RDH10: variants seen among roughly 807,000 people sequenced by gnomAD.
RDH10 encodes the protein retinol dehydrogenase 10.
In RDH10, 12 loss-of-function variants were observed where a neutral mutation model predicts 30.2. The ratio of observed to expected loss-of-function variants is 0.40; its 90% confidence interval spans 0.25 to 0.64. RDH10 has a LOEUF of 0.64. Ranked by LOEUF, RDH10 falls within the 30% of genes least tolerant of loss-of-function variation. RDH10 has a pLI of 0.43. For missense variants in RDH10, 268 were observed against 445.2 expected, an observed-to-expected ratio of 0.60 and a Z score of 3.58; for synonymous variants, 189 against 172.2, an observed-to-expected ratio of 1.10 and a Z score of -0.76.
chr8:73,314,123 A>G (rs564422637), intron 2 of RDH10, among the ~76,000 whole-genome samples: 3 of 152,336 alleles, frequency 2.0e-5, no homozygotes, highest in Admixed American at 6.5e-5. Flanking sequence ...TGTCATGGCA[A>G]CTAGCACTTC....
At position 73,324,626 on chromosome 8, in the gene RDH10, A is replaced by C. The variant is rs1247535513; in HGVS notation, c.*1590A>C. ...AAGGAAAATTATTGTGTTTTTTTTT[A>C]TGATCATTATCCCACTTTAGGTAAA... On this transcript the variant is annotated 3_prime_UTR_variant, in exon 6 of 6. Transcript: ENST00000240285. 3 of 152,114 alleles carry C rather than the reference A, an allele frequency of 2.0e-5. No individual in the cohort carries two copies. Among genetic ancestry groups the C allele is most frequent in the Non-Finnish European group, 1.5e-5 (1 of 68,004 alleles). 9.4% of individuals were successfully genotyped at this position (152,114 alleles called of 1,614,324 possible). A position where few individuals can be genotyped will look rare whatever the true frequency, so the allele number is the denominator to read the frequency against.
chr8:73,311,087 C>T (rs1814555614), intron 2 of RDH10: 1 of 152,048 alleles, frequency 6.6e-6, no homozygotes, highest in Admixed American at 6.6e-5. Context: ...GCAAATAATA[C>T]CTCAGCGTGA....
At chr8:73,296,357 A>T (rs555345117) in intron 1 of RDH10, among the ~76,000 whole-genome samples, 17 of 152,224 alleles carry the variant, frequency 1.1e-4, no homozygotes, top group African/African-American at 4.1e-4. Context: ...GAAAACATTT[A>T]CCTGTACGGA....
chr8:73,323,222 G>C lies in RDH10; in HGVS notation c.*186G>C, dbSNP rs1378089258. On this transcript the variant is annotated 3_prime_UTR_variant, in exon 6 of 6. Transcript: ENST00000240285. ...TACTTGGAAAATGTGATCAGTACAA[G>C]TGAACTTAGGTTGTTGCCAACAGGG... The C allele has an allele frequency of 4.0e-6, 2 of 505,558 alleles. No individual in the cohort carries two copies. The highest frequency in any genetic ancestry group is 1.9e-5 in the African/African-American group (1 of 52,038). 31.3% of individuals were successfully genotyped at this position (505,558 alleles called of 1,614,324 possible).
At position 73,295,368 on chromosome 8, in the gene RDH10, G is replaced by T; in HGVS notation, c.79G>T (p.Val27Leu). ...AFVLAAARWL[V>L]RPKEKSVAGQ... ...CGTGCTGGCCGCGGCGCGCTGGCTGGTGCGGCCCAAGGAGAAGAGCGTGGC... is the reference window on the plus strand; with the variant it reads ...CGTGCTGGCCGCGGCGCGCTGGCTGTTGCGGCCCAAGGAGAAGAGCGTGGC... The change falls in exon 1 of 6, where the codon GTG becomes TTG. Residue 27 changes from valine (V) to leucine (L), a missense_variant. Coordinates refer to ENST00000240285, the MANE Select transcript of RDH10 (RefSeq NM_172037.5). 1 of 1,559,098 alleles carries T rather than the reference G, an allele frequency of 6.4e-7. No individual in the cohort carries two copies. Among genetic ancestry groups the T allele is most frequent in the Non-Finnish European group, 8.7e-7 (1 of 1,153,274 alleles).
chr8:73,306,885 A>G (rs188815675), intron 2 of RDH10, among the ~76,000 whole-genome samples: 1 of 152,328 alleles, frequency 6.6e-6, no homozygotes, highest in East Asian at 1.9e-4. Flanking sequence ...TCAAAATAAC[A>G]TAAGTGGTAC....
chr8:73,297,203 G>C lies in RDH10; in HGVS notation c.299G>C (p.Gly100Ala). Residue 100 changes from glycine to alanine, a missense_variant, in exon 2 of 6, where the codon GGT becomes GCT. By Grantham distance (60) the Gly-to-Ala change is moderately conservative. Coordinates refer to ENST00000240285, the MANE Select transcript of RDH10 (RefSeq NM_172037.5). The stretch of plus-strand genomic sequence containing the variant: ...GGACTTCTGAGGACAGCTGGGAATG[G>C]TGAGGAAGAAATTCTGCCCCACTGT... ...ADAAALQAGN[G>A]EEEILPHCNL... 1.2e-6 allele frequency: 2 copies of C among 1,606,178 alleles called. No individual in the cohort carries two copies. The highest frequency in any genetic ancestry group is 1.7e-6 in the Non-Finnish European group (2 of 1,172,658).
At chr8:73,307,226 AG>A (rs1180719947) in intron 2 of RDH10, among the ~76,000 whole-genome samples, 1 of 152,210 alleles carries the variant, frequency 6.6e-6, no homozygotes. Context: ...GTTGTTTTCC[AG>A]CGTCATCTAG....
chr8:73,319,894 A>G (rs1814735761), intron 3 of RDH10, among the ~76,000 whole-genome samples: 1 of 152,254 alleles, frequency 6.6e-6, no homozygotes, highest in Admixed American at 6.5e-5. Flanking sequence ...ATTATAAAGT[A>G]TGAGTATATA....
intron 2 of RDH10, among the ~76,000 whole-genome samples, 160 bp from the exon 3 acceptor site, chr8:73,318,936 G>A (rs1814719881): frequency 6.6e-6 from 1 of 152,184 alleles, no homozygotes; most frequent in Non-Finnish European, 1.5e-5. Flanking sequence ...TGCTAAGTTA[G>A]CCAGACACTT....
At chr8:73,318,466 T>C (rs1814712722) in intron 2 of RDH10, among the ~76,000 whole-genome samples, 1 of 152,248 alleles carries the variant, frequency 6.6e-6, no homozygotes, top group Non-Finnish European at 1.5e-5. Context: ...TTCAGAATGA[T>C]ACACGTTCTT....
chr8:73,308,601 T>G (rs760148702), intron 2 of RDH10, among the ~76,000 whole-genome samples: 5 of 152,172 alleles, frequency 3.3e-5, no homozygotes, highest in African/African-American at 4.8e-5. Context: ...TGAAGTCTTT[T>G]AGGTTTCTTC....
intron 2 of RDH10, 37 bp downstream of exon 2, chr8:73,297,466 T>G: frequency 5.2e-5 from 73 of 1,395,606 alleles, no homozygotes; most frequent in Non-Finnish European, 7.0e-5. Flanking sequence ...TGCTGGGCCC[T>G]CCTTAATGAG....
At chr8:73,313,064 A>G (rs184172200) in intron 2 of RDH10, 7 of 152,278 alleles carry the variant, frequency 4.6e-5, no homozygotes, top group Non-Finnish European at 8.8e-5. Context: ...AATGTCATCA[A>G]TCTCAGAATT....
intron 2 of RDH10, among the ~76,000 whole-genome samples, chr8:73,317,894 T>C (rs191973146): frequency 1.1e-4 from 17 of 151,384 alleles, no homozygotes; most frequent in African/African-American, 3.9e-4. Flanking sequence ...CACTCCAACC[T>C]GGGCAACACC....
intron 2 of RDH10, among the ~76,000 whole-genome samples, chr8:73,309,129 C>T (rs902963528): frequency 6.6e-6 from 1 of 152,028 alleles, no homozygotes; most frequent in African/African-American, 2.4e-5. Context: ...AATCTTGTAC[C>T]TAGGAAGATG....
chr8:73,319,443 C>T (rs981433921), intron 3 of RDH10, among the ~76,000 whole-genome samples: 3 of 152,108 alleles, frequency 2.0e-5, no homozygotes, highest in African/African-American at 4.8e-5. Flanking sequence ...GAGAATCGTG[C>T]GAGCCCAGGT....
chr8:73,299,416 G>A (rs1814339407), intron 2 of RDH10, among the ~76,000 whole-genome samples: 1 of 152,204 alleles, frequency 6.6e-6, no homozygotes, highest in African/African-American at 2.4e-5. Context: ...GACTAATCCT[G>A]AGTAAAACAA....
At chr8:73,319,022 T>C in intron 2 of RDH10, 74 bp from the exon 3 acceptor site, 3 of 921,820 alleles carry the variant, frequency 3.3e-6, no homozygotes, top group East Asian at 4.9e-5. Context: ...AAAAGTTTGT[T>C]TTGTGATCCT....
Sources: allele counts gnomAD v4.1 joint callset (sites outside exome capture counted in the v4.1 genomes callset), GRCh38; gene constraint gnomAD v4.1.1; transcripts MANE v1.5; gene names NCBI Gene and HGNC (gene_info 2026-07-23, HGNC 2026-07-21).